The following SAMD8 variants were observed in gnomAD, a reference collection of about 807,000 sequenced individuals.
The protein encoded by SAMD8 is sphingomyelin synthase-related protein 1.
In SAMD8, 20 loss-of-function variants were observed where a neutral mutation model predicts 42.0. The observed-to-expected ratio is 0.48, with a 90% CI of 0.34 to 0.69. The LOEUF (loss-of-function observed/expected upper bound fraction) is 0.69, where lower values mean the gene tolerates loss of function less well. Among genes scored for constraint, SAMD8 ranks in the 30% least tolerant of loss-of-function variants. The pLI is 0.01. For synonymous variants in SAMD8, 162 were observed against 173.0 expected (o/e 0.94, Z 0.50); for missense variants, 328 against 511.6 (o/e 0.64, Z 3.46).
intron 1 of SAMD8, among the ~76,000 whole-genome samples, chr10:75,123,135 C>T (rs1184518988): frequency 1.3e-5 from 2 of 151,628 alleles, no homozygotes; most frequent in Non-Finnish European, 2.9e-5. Flanking sequence ...AGGAAATGGA[C>T]ACCTCATGCT....
At chr10:75,168,092 G>A (rs1167473067) in intron 3 of SAMD8, among the ~76,000 whole-genome samples, 2 of 151,934 alleles carry the variant, frequency 1.3e-5, no homozygotes, top group African/African-American at 2.4e-5. Context: ...CACCTCCCGG[G>A]TTCAAGTGAT....
At position 75,126,912 on chromosome 10, in the gene SAMD8, G is replaced by A. The variant is rs539248264; in HGVS notation, c.-16+15190G>A. 3.4e-3 allele frequency among the ~76,000 whole-genome samples: 515 copies of A among 152,102 alleles called. 4 individuals carry two copies. The highest frequency in any genetic ancestry group is 4.9e-3 in the Non-Finnish European group (331 of 67,998). On this transcript the variant is annotated intron_variant, in intron 1 of 5. Transcript: ENST00000542569. The stretch of plus-strand genomic sequence containing the variant: ...ATTCAAAAAGTCTTCATTAGGCTGC[G>A]CACGGTGGCTCACACCTGTAATCCC...
At chr10:75,164,849 C>A in intron 3 of SAMD8, 109 bp downstream of exon 3, 3 of 782,324 alleles carry the variant, frequency 3.8e-6, no homozygotes, top group South Asian at 1.6e-5. Flanking sequence ...CTTCTCTGGT[C>A]ATTGTGACAT....
In SAMD8 at chr10:75,176,069, T is replaced by C. The variant is rs368280433; in HGVS notation, c.796T>C (p.Tyr266His). The stretch of plus-strand genomic sequence containing the variant: ...AATTCATAACTTTTCTTCATAGATA[T>C]ATGGCAGTGTATGGGAGAAATTACA... Reference protein sequence around the residue: ...GQHLQCTGKIYGSVWEKLHRA... With the variant: ...GQHLQCTGKIHGSVWEKLHRA... Residue 266 changes from tyrosine to histidine, a missense_variant, in exon 5 of 6, where the codon TAT becomes CAT. Physicochemically the swap from Tyr to His is moderately conservative, Grantham distance 83 (BLOSUM62 2). Around this residue, in one of 2 missense-constraint regions of SAMD8, gnomAD observed 178 missense variants for 325.6 expected, o/e 0.55. Coordinates refer to ENST00000542569, the MANE Select transcript of SAMD8 (RefSeq NM_001174156.2). This position sits in a 1 kb window ranked among gnomAD's most constrained non-coding sequence, Gnocchi z 4.3. 23 of 1,613,584 alleles carry C rather than the reference T, an allele frequency of 1.4e-5. No individual in the cohort carries two copies. The highest frequency in any genetic ancestry group is 1.7e-5 in the Admixed American group (1 of 59,872).
At chr10:75,172,272 A>G (rs573922231) in intron 4 of SAMD8, among the ~76,000 whole-genome samples, 3 of 152,248 alleles carry the variant, frequency 2.0e-5, no homozygotes, top group Admixed American at 6.5e-5. Flanking sequence ...TGCTGTGTAC[A>G]TGGTATGAAG....
chr10:75,118,987 A>G (rs756227436), intron 1 of SAMD8, among the ~76,000 whole-genome samples: 3 of 152,228 alleles, frequency 2.0e-5, no homozygotes, highest in Admixed American at 6.5e-5. Flanking sequence ...CAGTGCATCT[A>G]TAATATATAA....
At chr10:75,171,350 G>C (rs1052413687) in intron 4 of SAMD8, among the ~76,000 whole-genome samples, 1 of 150,618 alleles carries the variant, frequency 6.6e-6, no homozygotes, top group Non-Finnish European at 1.5e-5. Context: ...TGTATTTTTA[G>C]TAGAGACGGG....
intron 1 of SAMD8, chr10:75,150,305 G>T: frequency 3.2e-4 from 57 of 176,764 alleles, no homozygotes; most frequent in Non-Finnish European, 5.3e-4. Flanking sequence ...TTTTTTGGTA[G>T]AGATAGGATC....
intron 3 of SAMD8, 91 bp from the exon 4 acceptor site, chr10:75,168,450 T>A: frequency 6.5e-7 from 1 of 1,548,626 alleles, no homozygotes; most frequent in Non-Finnish European, 8.7e-7. Context: ...GATTTTTCTG[T>A]TTGCTCTTCC....
intron 2 of SAMD8, among the ~76,000 whole-genome samples, chr10:75,157,148 T>C (rs778928421): frequency 4.6e-5 from 7 of 151,942 alleles, no homozygotes; most frequent in Non-Finnish European, 7.4e-5. Context: ...TGAGTTTAGG[T>C]GAATAATATA....
At chr10:75,101,011 C>T (rs1436877958) in intron 1 of SAMD8, among the ~76,000 whole-genome samples, 2 of 152,256 alleles carry the variant, frequency 1.3e-5, no homozygotes, top group South Asian at 2.1e-4. Context: ...TCTGACTCCA[C>T]TCCAGGGAGG....
At chr10:75,108,410 T>A, upstream of SAMD8, 1 of 933,162 alleles carries the variant, frequency 1.1e-6, no homozygotes, top group Non-Finnish European at 1.5e-6. Flanking sequence ...GCGGTGTGTG[T>A]GTCGGGGGAT....
At chr10:75,143,037 G>A (rs1021651088) in intron 1 of SAMD8, among the ~76,000 whole-genome samples, 16 of 151,502 alleles carry the variant, frequency 1.1e-4, no homozygotes, top group Non-Finnish European at 4.4e-5. Flanking sequence ...GGCTGGGCGC[G>A]GTGGCTCACG....
In SAMD8 at chr10:75,176,111, T is replaced by G. The variant is rs1329879453; in HGVS notation, c.838T>G (p.Trp280Gly). The G allele has an allele frequency of 6.2e-7, 1 of 1,614,124 alleles. No homozygotes were observed. Among genetic ancestry groups the G allele is most frequent in the Admixed American group, 1.7e-5 (1 of 59,998 alleles). ...GAAATTACATCGAGCCTTTGCCATT[T>G]GGAGTGGCTTTGGTATGACCCTGAC... ...WEKLHRAFAI[W>G]SGFGMTLTGV... The change falls in exon 5 of 6, where the codon TGG becomes GGG. Residue 280 changes from tryptophan (W) to glycine (G), a missense_variant. Physicochemically the swap from Trp to Gly is radical, Grantham distance 184. This residue lies in a region of SAMD8 where 178 missense variants were observed against 325.6 expected (regional missense o/e 0.55). Coordinates refer to ENST00000542569, the MANE Select transcript of SAMD8 (RefSeq NM_001174156.2). The surrounding 1 kb of genome is among the most constrained non-coding windows in gnomAD (Gnocchi z 4.3).
At chr10:75,115,829 T>G (rs939352998) in intron 1 of SAMD8, among the ~76,000 whole-genome samples, 16 of 150,850 alleles carry the variant, frequency 1.1e-4, no homozygotes, top group African/African-American at 3.9e-4. Flanking sequence ...TAGTCCCAGC[T>G]ACTCAGGAGG....
intron 1 of SAMD8, among the ~76,000 whole-genome samples, chr10:75,147,611 C>T (rs1429502538): frequency 6.6e-6 from 1 of 152,198 alleles, no homozygotes; most frequent in Admixed American, 6.6e-5. Context: ...GCGTGAGCCA[C>T]CATGCCCGGC....
chr10:75,176,004 A>G lies in SAMD8; in HGVS notation c.793-62A>G, dbSNP rs1394696229. On this transcript the variant is annotated intron_variant, in intron 4 of 5. Coordinates refer to ENST00000542569, the MANE Select transcript of SAMD8 (RefSeq NM_001174156.2). The surrounding 1 kb of genome is among the most constrained non-coding windows in gnomAD (Gnocchi z 4.3). ...AGCATTTGAATTTCAATAGGAATGG[A>G]TGTTGGGAAGTTCCCACCTCCCTAA... 1 of 1,562,566 alleles carries G rather than the reference A, an allele frequency of 6.4e-7. No individual in the cohort carries two copies. Among genetic ancestry groups the G allele is most frequent in the Non-Finnish European group, 8.6e-7 (1 of 1,156,242 alleles).
intron 1 of SAMD8, chr10:75,105,691 A>G (rs1848450915): frequency 6.5e-7 from 1 of 1,550,116 alleles, no homozygotes; most frequent in Non-Finnish European, 8.7e-7. Context: ...GGCACCCCGC[A>G]GTTGCTGGTC....
intron 1 of SAMD8, among the ~76,000 whole-genome samples, chr10:75,102,166 T>C (rs1190492844): frequency 1.3e-5 from 2 of 152,200 alleles, no homozygotes; most frequent in Non-Finnish European, 2.9e-5. Flanking sequence ...TGGCATATTG[T>C]GTACATGTAT....
Sources: allele counts gnomAD v4.1 joint callset (sites outside exome capture counted in the v4.1 genomes callset), GRCh38; gene constraint gnomAD v4.1.1; regional missense constraint gnomAD v4.1.1; non-coding constraint Gnocchi (gnomAD v3.1); transcripts MANE v1.5; gene names NCBI Gene and HGNC (gene_info 2026-07-23, HGNC 2026-07-21).